The following ALMS1 variants were observed in gnomAD, a reference collection of about 807,000 sequenced individuals.
ALMS1 encodes ALMS1 centrosome and basal body associated protein.
Under a neutral mutation model 352.2 loss-of-function variants are expected in ALMS1, and 271 were observed. The ratio of observed to expected loss-of-function variants is 0.77; its 90% CI spans 0.70 to 0.85. ALMS1 has a LOEUF of 0.85. Among genes scored for constraint, ALMS1 ranks in the 40% least tolerant of loss-of-function variants. ALMS1 has a pLI of 0.00. For synonymous variants in ALMS1, 1,865 were observed against 1,761.2 expected (o/e 1.06, Z -1.48); for missense variants, 5,445 against 4,870.7 (o/e 1.12, Z -3.51).
chr2:73,587,655 G>C (rs543409190), intron 16 of ALMS1, among the ~76,000 whole-genome samples: 70 of 152,234 alleles, frequency 4.6e-4, no homozygotes, highest in African/African-American at 1.6e-3. Context: ...TTATCTTTTT[G>C]ATATGCTGTT....
At chr2:73,501,220 C>G (rs1056367064) in intron 10 of ALMS1, among the ~76,000 whole-genome samples, 1 of 152,002 alleles carries the variant, frequency 6.6e-6, no homozygotes, top group African/African-American at 2.4e-5. Flanking sequence ...ATTCCAGATA[C>G]AAATCCTCTG....
intron 16 of ALMS1, among the ~76,000 whole-genome samples, chr2:73,580,589 C>T (rs760964967): frequency 4.7e-4 from 71 of 152,280 alleles, no homozygotes; most frequent in Admixed American, 1.6e-3. Flanking sequence ...TTATTTCTCT[C>T]CTCTAACCCA....
chr2:73,416,176 T>C (rs1191772199), intron 2 of ALMS1, among the ~76,000 whole-genome samples: 1 of 152,204 alleles, frequency 6.6e-6, no homozygotes, highest in African/African-American at 2.4e-5. Context: ...TAAAACCTTT[T>C]GTTGGCTCAC....
Position 73,452,793 on chromosome 2 carries a change from T to C in ALMS1, c.6266T>C (p.Val2089Ala). Residue 2089 changes from valine (V) to alanine (A), a missense_variant, in exon 8 of 23, where the codon GTA (valine) becomes GCA (alanine). Val to Ala is a moderately conservative substitution (Grantham distance 64). Coordinates refer to ENST00000613296, the MANE Select transcript of ALMS1 (RefSeq NM_001378454.1). ...ACTGATGTGAATACTGGAAAACCAGTATCTCTCTCTAGTTCTTATTTTCAC... is the reference window on the plus strand; with the variant it reads ...ACTGATGTGAATACTGGAAAACCAGCATCTCTCTCTAGTTCTTATTTTCAC... Reference protein sequence around the residue: ...ELTDVNTGKPVSLSSSYFHRE... With the variant: ...ELTDVNTGKPASLSSSYFHRE... 6.2e-7 allele frequency: 1 copy of C among 1,613,632 alleles called. No individual in the cohort carries two copies. Among genetic ancestry groups the C allele is most frequent in the Non-Finnish European group, 8.5e-7 (1 of 1,179,968 alleles).
At chr2:73,551,492 G>A (rs1000715815) in intron 13 of ALMS1, among the ~76,000 whole-genome samples, 8 of 142,678 alleles carry the variant, frequency 5.6e-5, no homozygotes, top group South Asian at 2.2e-4. Context: ...GGTGGAGTGC[G>A]ATGGCGCGAT....
chr2:73,449,735 C>G lies in ALMS1; in HGVS notation c.3208C>G (p.Pro1070Ala). The G allele has an allele frequency of 6.2e-7, 1 of 1,613,974 alleles. No individual in the cohort carries two copies. The highest frequency in any genetic ancestry group is 8.5e-7 in the Non-Finnish European group (1 of 1,179,946). ...ACAGGTGTTATCAGACAGTCATCTA[C>G]CTGAAGAGAGTCTGAAAGTTTCAGC... Reference protein sequence around the residue: ...YPQVLSDSHLPEESLKVSAFP... With the variant: ...YPQVLSDSHLAEESLKVSAFP... Residue 1070 changes from proline (P) to alanine (A), a missense_variant, in exon 8 of 23, where the codon CCT becomes GCT. Pro to Ala is a conservative substitution (Grantham distance 27, BLOSUM62 -1). Transcript: ENST00000613296.
chr2:73,427,380 C>T (rs531439435), intron 6 of ALMS1, among the ~76,000 whole-genome samples: 1 of 152,246 alleles, frequency 6.6e-6, no homozygotes, highest in East Asian at 1.9e-4. Flanking sequence ...AAATGAGCAA[C>T]ATACTAATGT....
At chr2:73,517,612 C>G (rs966169414) in intron 10 of ALMS1, among the ~76,000 whole-genome samples, 5 of 151,962 alleles carry the variant, frequency 3.3e-5, no homozygotes, top group African/African-American at 1.2e-4. Flanking sequence ...TTATACCACT[C>G]TTCTAGCTTC....
Position 73,455,279 on chromosome 2 carries a change from C to T in ALMS1, c.7658C>T (p.Thr2553Ile), listed in dbSNP as rs780854777. Residue 2553 changes from threonine (T) to isoleucine (I), a missense_variant, in exon 9 of 23, where the codon ACA becomes ATA. Thr to Ile is a moderately conservative substitution (Grantham distance 89, BLOSUM62 -1). Transcript: ENST00000613296. ...GCAGAGTTATTTGGTCATGGAAGAA[C>T]AACTGACTTGTCCAAGGTATAAAAG... ...IKAELFGHGR[T>I]TDLSKGLQSP... The T allele has an allele frequency of 6.2e-7, 1 of 1,613,922 alleles. No homozygotes were observed. Among genetic ancestry groups the T allele is most frequent in the East Asian group, 2.2e-5 (1 of 44,860 alleles).
chr2:73,560,570 A>G (rs1674636327), intron 15 of ALMS1, among the ~76,000 whole-genome samples: 1 of 152,226 alleles, frequency 6.6e-6, no homozygotes, highest in Non-Finnish European at 1.5e-5. Context: ...AGAATTCAAA[A>G]CAGGACTTCA....
intron 2 of ALMS1, among the ~76,000 whole-genome samples, chr2:73,410,570 G>A (rs1671055624): frequency 6.6e-6 from 1 of 152,124 alleles, no homozygotes; most frequent in Admixed American, 6.5e-5. Context: ...CATTTGTTGG[G>A]ATGTATTGTT....
Position 73,453,644 on chromosome 2 carries a change from G to A in ALMS1, c.7117G>A (p.Ala2373Thr), listed in dbSNP as rs1671997602. ...LQEAESKVSM[A>T]LEETLRQYQA... ...GGAAGCAGAGAGCAAAGTCAGTATG[G>A]CATTAGAAGAAACTCTTAGGCAATA... is the stretch of plus-strand genomic sequence containing the variant. Residue 2373 changes from alanine (A) to threonine (T), a missense_variant, in exon 8 of 23, where the codon GCA (alanine) becomes ACA (threonine). Transcript: ENST00000613296. The A allele has an allele frequency of 6.2e-7, 1 of 1,613,988 alleles. No individual in the cohort carries two copies. The highest frequency in any genetic ancestry group is 2.2e-5 in the East Asian group (1 of 44,862).
Position 73,451,408 on chromosome 2 carries a change from C to A in ALMS1, c.4881C>A (p.Phe1627Leu). The change falls in exon 8 of 23, where the codon TTC becomes TTA. Residue 1627 changes from phenylalanine to leucine, a missense_variant. Coordinates refer to ENST00000613296, the MANE Select transcript of ALMS1 (RefSeq NM_001378454.1). ...SSALGEKPIT[F>L]YRQALLDSPL... is the part of the protein sequence containing the mutation. ...CACTTGGAGAGAAGCCCATTACTTT[C>A]TACCGGCAGGCTCTGCTAGACAGTC... 1 of 1,613,996 alleles carries A rather than the reference C, an allele frequency of 6.2e-7. No homozygotes were observed. The highest frequency in any genetic ancestry group is 1.3e-5 in the African/African-American group (1 of 75,016).
In ALMS1 at chr2:73,405,055, G is replaced by A. The variant is rs188140035; in HGVS notation, c.325-3567G>A. Among the ~76,000 whole-genome samples the A allele has an allele frequency of 2.0e-5, 3 of 151,578 alleles. No homozygotes were observed. The East Asian group carries it at 5.8e-4, about 29-fold the overall frequency. On this transcript the variant is annotated intron_variant, in intron 1 of 22. Coordinates refer to ENST00000613296, the MANE Select transcript of ALMS1 (RefSeq NM_001378454.1). The stretch of plus-strand genomic sequence containing the variant: ...GCCTCCCAAGTAACTGTTACCACAG[G>A]CAAGCACCACCATGTCCAGCTATTT...
At chr2:73,435,807 G>A (rs1356479190) in intron 7 of ALMS1, among the ~76,000 whole-genome samples, 1 of 152,004 alleles carries the variant, frequency 6.6e-6, no homozygotes, top group Non-Finnish European at 1.5e-5. Flanking sequence ...TATGTTATTA[G>A]TCTTGAACTC....
chr2:73,439,239 C>CT (rs1165639716), intron 7 of ALMS1, among the ~76,000 whole-genome samples: 1 of 151,596 alleles, frequency 6.6e-6, no homozygotes, highest in African/African-American at 2.4e-5. Flanking sequence ...GCCTCACTCT[C>CT]TGAGTAGCTA....
intron 15 of ALMS1, among the ~76,000 whole-genome samples, chr2:73,561,352 G>A (rs575915169): frequency 6.6e-6 from 1 of 152,344 alleles, no homozygotes; most frequent in East Asian, 1.9e-4. Context: ...TTGAAGGAGT[G>A]CTGGGAGAGT....
intron 10 of ALMS1, among the ~76,000 whole-genome samples, chr2:73,517,995 A>G (rs116539311): frequency 0.016 from 2,479 of 151,904 alleles, 69 homozygotes; most frequent in African/African-American, 0.057. Context: ...CAGGGGGTAC[A>G]TGTTCCAATT....
chr2:73,412,250 G>T (rs536726959), intron 2 of ALMS1, among the ~76,000 whole-genome samples: 1 of 152,180 alleles, frequency 6.6e-6, no homozygotes, highest in African/African-American at 2.4e-5. Flanking sequence ...TTTGTAGTCA[G>T]TCACTTCCCC....
Sources: gnomAD v4.1 joint callset for allele counts (sites outside exome capture counted in the v4.1 genomes callset) on GRCh38, gnomAD v4.1.1 for gene constraint, MANE v1.5 for transcripts, NCBI Gene and HGNC (gene_info 2026-07-23, HGNC 2026-07-21) for gene names.